The following SLC35F2 variants were observed in gnomAD, a reference collection of about 807,000 sequenced individuals.
SLC35F2 encodes queuine/queuosine transporter SLC35F2.
Under a neutral mutation model 38.1 loss-of-function variants are expected in SLC35F2, and 25 were observed. The observed-to-expected ratio is 0.66, with a 90% CI of 0.48 to 0.92. SLC35F2 has a LOEUF of 0.92. Among genes scored for constraint, SLC35F2 ranks in the 40% least tolerant of loss-of-function variants. The probability of loss-of-function intolerance (pLI) is 0.00; values close to 1 mark genes in which losing one functional copy is unlikely to be tolerated. For synonymous variants in SLC35F2, 173 were observed against 181.7 expected (o/e 0.95, Z 0.38); for missense variants, 409 against 452.9 (o/e 0.90, Z 0.88).
In SLC35F2 at chr11:107,792,498, A is replaced by G; in HGVS notation, c.*117T>C. 8.1e-7 allele frequency: 1 copy of G among 1,227,362 alleles called. No homozygotes were observed. Among genetic ancestry groups the G allele is most frequent in the Non-Finnish European group, 1.1e-6 (1 of 911,996 alleles). The allele number at this position is 1,227,362 out of a possible 1,614,324, so 76.0% of individuals were successfully genotyped here. A position where few individuals can be genotyped will look rare whatever the true frequency, so the allele number is the denominator to read the frequency against. On this transcript the variant is annotated 3_prime_UTR_variant, in exon 8 of 8. Transcript: ENST00000525815. ...TTCCTTTCTAAAACCTAACCACTGGATCCAACCCAGGGTTGTAGAGTGTCC... is the reference window on the plus strand; with the variant it reads ...TTCCTTTCTAAAACCTAACCACTGGGTCCAACCCAGGGTTGTAGAGTGTCC...
At chr11:107,803,718 T>C (rs1859351865) in intron 6 of SLC35F2, among the ~76,000 whole-genome samples, 1 of 151,962 alleles carries the variant, frequency 6.6e-6, no homozygotes, top group Non-Finnish European at 1.5e-5. Context: ...ACGTGGATGT[T>C]GACTACATTA....
chr11:107,838,623 C>A (rs1162531960), intron 1 of SLC35F2, among the ~76,000 whole-genome samples: 29 of 118,064 alleles, frequency 2.5e-4, no homozygotes, highest in African/African-American at 1.0e-3. Context: ...CTTTGCCCGG[C>A]CCTCTTTTTT....
At chr11:107,844,696 C>T (rs1385616299) in intron 1 of SLC35F2, among the ~76,000 whole-genome samples, 2 of 151,400 alleles carry the variant, frequency 1.3e-5, no homozygotes, top group Admixed American at 6.6e-5. Context: ...TTACACAGGC[C>T]GGGCGCGGTG....
intron 3 of SLC35F2, chr11:107,810,007 T>C (rs900131703): frequency 2.0e-6 from 2 of 985,394 alleles, no homozygotes; most frequent in African/African-American, 3.5e-5. Flanking sequence ...ATCCCATGAC[T>C]GTTGGTAATT....
intron 1 of SLC35F2, among the ~76,000 whole-genome samples, chr11:107,834,464 A>C (rs1220345572): frequency 2.6e-5 from 4 of 152,164 alleles, no homozygotes; most frequent in Non-Finnish European, 5.9e-5. Flanking sequence ...CAGCCTGGCC[A>C]ACATGGTGAA....
rs1436525154 is a variant in SLC35F2 at position 107,791,465 on chromosome 11, G to A, written c.*1150C>T. 2 of 152,098 alleles carry A rather than the reference G, an allele frequency of 1.3e-5. No homozygotes were observed. Among genetic ancestry groups the A allele is most frequent in the Non-Finnish European group, 2.9e-5 (2 of 68,034 alleles). 9.4% of individuals were successfully genotyped at this position (152,098 alleles called of 1,614,324 possible). On this transcript the variant is annotated 3_prime_UTR_variant, in exon 8 of 8. Coordinates refer to ENST00000525815, the MANE Select transcript of SLC35F2 (RefSeq NM_017515.5). Reference sequence around the variant, plus strand: ...TATATATGGAGCTCTGAAAACTGTTGGAGAGTATGACCTGGGACTGAAACT... The same window carrying A: ...TATATATGGAGCTCTGAAAACTGTTAGAGAGTATGACCTGGGACTGAAACT...
chr11:107,853,677 GC>G (rs1468605678), intron 1 of SLC35F2, among the ~76,000 whole-genome samples: 1 of 131,946 alleles, frequency 7.6e-6, no homozygotes, highest in East Asian at 2.3e-4. Flanking sequence ...CCGAGATCGC[GC>G]CACTGCACTC....
Position 107,843,866 on chromosome 11 carries a change from AAAATATATATATATATATATAT to A in SLC35F2, c.110+14770_110+14791del, listed in dbSNP as rs1366582568. 2.2e-3 allele frequency among the ~76,000 whole-genome samples: 85 copies of A among 38,476 alleles called. 6 individuals are homozygous for A. Among genetic ancestry groups the A allele is most frequent in the African/African-American group, 0.012 (80 of 6,734 alleles). The allele number at this position is 38,476 out of a possible 152,430, so 25.2% of individuals were successfully genotyped here. ...TATCTTAAAAAAAAAAAAAAAAAAAAAAATATATATATATATATATATATATATATATATATATATATGTATA... is the reference window on the plus strand; with the variant it reads ...TATCTTAAAAAAAAAAAAAAAAAAAAATATATATATATATATATATGTATA... On this transcript the variant is annotated intron_variant, in intron 1 of 7. Coordinates refer to ENST00000525815, the MANE Select transcript of SLC35F2 (RefSeq NM_017515.5).
intron 1 of SLC35F2, among the ~76,000 whole-genome samples, chr11:107,847,585 T>C (rs1000147972): frequency 3.3e-5 from 5 of 152,166 alleles, no homozygotes; most frequent in African/African-American, 1.2e-4. Context: ...TGAATTATCA[T>C]CTCTGTCCTT....
intron 6 of SLC35F2, 69 bp downstream of exon 6, chr11:107,804,649 G>T: frequency 1.8e-6 from 2 of 1,107,260 alleles, no homozygotes; most frequent in Non-Finnish European, 2.7e-6. Flanking sequence ...TTAAAATAAA[G>T]CACATATTTC....
chr11:107,851,327 G>A (rs1218347164), intron 1 of SLC35F2, among the ~76,000 whole-genome samples: 1 of 151,050 alleles, frequency 6.6e-6, no homozygotes, highest in Non-Finnish European at 1.5e-5. Flanking sequence ...GCCAGGCATG[G>A]TGGCAGGCGC....
At chr11:107,806,544 C>A in intron 4 of SLC35F2, 173 bp downstream of exon 4, 1 of 625,338 alleles carries the variant, frequency 1.6e-6, no homozygotes. Flanking sequence ...TCATAGACCT[C>A]AATTAGATTT....
chr11:107,854,084 A>T (rs192737399), intron 1 of SLC35F2, among the ~76,000 whole-genome samples: 239 of 152,228 alleles, frequency 1.6e-3, no homozygotes, highest in African/African-American at 5.2e-3. Flanking sequence ...AAAAACATAC[A>T]TATGAATAAA....
intron 2 of SLC35F2, among the ~76,000 whole-genome samples, chr11:107,813,271 C>A (rs1859511072): frequency 6.6e-6 from 1 of 151,978 alleles, no homozygotes; most frequent in African/African-American, 2.4e-5. Context: ...ATGGAGAAAC[C>A]CCATCTCTAT....
chr11:107,803,413 T>C (rs2134770895), intron 6 of SLC35F2: 3 of 985,382 alleles, frequency 3.0e-6, no homozygotes, highest in Non-Finnish European at 3.6e-6. Context: ...ATCCTGCTTA[T>C]GGTGTGACAG....
Position 107,804,785 on chromosome 11 carries a change from A to G in SLC35F2, c.732-15T>C. On this transcript the variant is annotated splice_polypyrimidine_tract_variant and intron_variant, in intron 5 of 7. Transcript: ENST00000525815. Reference sequence around the variant, plus strand: ...CCACAATCAATCTAAGATTAAAACAAGAGGTCACAGAGAGGTCCACATACT... The same window carrying G: ...CCACAATCAATCTAAGATTAAAACAGGAGGTCACAGAGAGGTCCACATACT... The G allele has an allele frequency of 1.9e-6, 3 of 1,594,738 alleles. No individual in the cohort carries two copies. Among genetic ancestry groups the G allele is most frequent in the Non-Finnish European group, 2.6e-6 (3 of 1,170,034 alleles).
chr11:107,843,871 ATATATATAT>A (rs1565440751), intron 1 of SLC35F2, among the ~76,000 whole-genome samples: 737 of 39,558 alleles, frequency 0.019, 20 homozygotes, highest in East Asian at 0.056. Context: ...AAAAAAAAAT[ATATATATAT>A]ATATATATAT....
At chr11:107,823,926 CAAAAAAA>C (rs58357861) in intron 1 of SLC35F2, 81 of 648,420 alleles carry the variant, frequency 1.2e-4, no homozygotes, top group Admixed American at 9.8e-4. Flanking sequence ...AAGACAGTCT[CAAAAAAA>C]AAAAAAAAAA....
intron 1 of SLC35F2, among the ~76,000 whole-genome samples, chr11:107,840,358 T>C (rs564766147): frequency 1.1e-4 from 17 of 152,310 alleles, no homozygotes; most frequent in African/African-American, 4.1e-4. Context: ...GCACAGGGAC[T>C]GAGCACAAAC....
Sources: allele counts gnomAD v4.1 joint callset (sites outside exome capture counted in the v4.1 genomes callset), GRCh38; gene constraint gnomAD v4.1.1; transcripts MANE v1.5; gene names NCBI Gene and HGNC (gene_info 2026-07-23, HGNC 2026-07-21).